The following RAP1GAP2 variants were observed in gnomAD, a reference collection of about 807,000 sequenced individuals.
RAP1GAP2 encodes RAP1 GTPase activating protein 2.
Under a neutral mutation model 95.0 loss-of-function variants are expected in RAP1GAP2, and 27 were observed. The observed-to-expected ratio is 0.28, with a 90% CI of 0.21 to 0.39. The LOEUF is 0.39. RAP1GAP2 is among the 10% of genes least tolerant of loss of function. RAP1GAP2 has a pLI of 1.00. For missense variants in RAP1GAP2, 771 were observed against 970.0 expected (o/e 0.79, Z 2.72); for synonymous variants, 373 against 380.9 (o/e 0.98, Z 0.24).
chr17:2,981,130 G>A lies in RAP1GAP2; in HGVS notation c.676-65G>A, dbSNP rs375412311. On this transcript the variant is annotated intron_variant, in intron 9 of 24. Coordinates refer to ENST00000254695, the MANE Select transcript of RAP1GAP2 (RefSeq NM_015085.5). Reference sequence around the variant, plus strand: ...CTCCCATGCCGCATTGTCCAGGTGGGCAGAGGAGCCCAGATGTCCTCTACA... The same window carrying A: ...CTCCCATGCCGCATTGTCCAGGTGGACAGAGGAGCCCAGATGTCCTCTACA... 13 of 1,491,610 alleles carry A rather than the reference G, an allele frequency of 8.7e-6. No homozygotes were observed. In the African/African-American group the frequency reaches 1.2e-4, roughly 14 times the overall value. The allele number at this position is 1,491,610 out of a possible 1,614,324, so 92.4% of individuals were successfully genotyped here.
chr17:2,920,586 A>T (rs1054297604), intron 3 of RAP1GAP2, among the ~76,000 whole-genome samples: 13 of 152,078 alleles, frequency 8.5e-5, no homozygotes, highest in Admixed American at 3.3e-4. Flanking sequence ...TCTTCTGTGG[A>T]CCTCGGTTTC....
In RAP1GAP2 at chr17:2,968,050, A is replaced by G. The variant is rs980426108; in HGVS notation, c.596+2407A>G. On this transcript the variant is annotated intron_variant, in intron 8 of 24. Transcript: ENST00000254695. Reference sequence around the variant, plus strand: ...GAAGAGATTCTGCCTCTAAAAAAGCATAAACTAGTTAGAGAATAACAGAGT... The same window carrying G: ...GAAGAGATTCTGCCTCTAAAAAAGCGTAAACTAGTTAGAGAATAACAGAGT... Among the ~76,000 whole-genome samples the G allele has an allele frequency of 9.2e-5, 14 of 152,344 alleles. 2 individuals are homozygous for G. The highest frequency in any genetic ancestry group is 9.2e-4 in the Admixed American group (14 of 15,300).
rs570852549 is a variant in RAP1GAP2, at chr17:2,808,824, C to T, written c.80+8274C>T. Among the ~76,000 whole-genome samples the T allele has an allele frequency of 4.6e-4, 70 of 152,222 alleles. No individual in the cohort carries two copies. In the East Asian group the frequency reaches 8.3e-3, roughly 18 times the overall value. On this transcript the variant is annotated intron_variant, in intron 2 of 24. Coordinates refer to ENST00000254695, the MANE Select transcript of RAP1GAP2 (RefSeq NM_015085.5). ...GGGGGCATGTGGGTGTGTGCAGATA[C>T]GTGTAGGCGTGTGTGCACGCTCGCC... is the stretch of plus-strand genomic sequence containing the variant.
At chr17:2,944,810 A>G (rs1460500298) in intron 3 of RAP1GAP2, among the ~76,000 whole-genome samples, 2 of 152,114 alleles carry the variant, frequency 1.3e-5, no homozygotes, top group East Asian at 1.9e-4. Flanking sequence ...TCATTGGGCA[A>G]TGTTTTGTAG....
intron 3 of RAP1GAP2, among the ~76,000 whole-genome samples, chr17:2,905,779 G>A (rs2042177613): frequency 6.6e-6 from 1 of 152,176 alleles, no homozygotes; most frequent in South Asian, 2.1e-4. Context: ...TTCTGAGCTG[G>A]GCCTGTTCAC....
intron 8 of RAP1GAP2, among the ~76,000 whole-genome samples, chr17:2,967,835 T>G (rs2044684763): frequency 6.6e-6 from 1 of 152,192 alleles, no homozygotes; most frequent in African/African-American, 2.4e-5. Context: ...GCTTCTGGAT[T>G]TTTTAACGGA....
chr17:2,905,258 A>T, intron 2 of RAP1GAP2, 26 bp from the exon 3 acceptor site: 2 of 1,603,436 alleles, frequency 1.2e-6, no homozygotes, highest in Non-Finnish European at 1.7e-6. Flanking sequence ...GCAGGTCCTC[A>T]CTCACCTCTT....
chr17:2,881,439 C>A (rs1410285864), intron 2 of RAP1GAP2, among the ~76,000 whole-genome samples: 2 of 152,130 alleles, frequency 1.3e-5, no homozygotes, highest in Non-Finnish European at 2.9e-5. Flanking sequence ...TCCACTTAGC[C>A]AGCATTCATC....
chr17:2,935,951 C>G (rs2043295009), intron 3 of RAP1GAP2, among the ~76,000 whole-genome samples: 2 of 152,090 alleles, frequency 1.3e-5, no homozygotes, highest in South Asian at 2.1e-4. Context: ...ATGATCACTG[C>G]TGGGCATCCT....
At chr17:2,941,316 C>T (rs988661221) in intron 3 of RAP1GAP2, among the ~76,000 whole-genome samples, 8 of 152,046 alleles carry the variant, frequency 5.3e-5, no homozygotes, top group African/African-American at 9.7e-5. Flanking sequence ...GCAGGAGAAT[C>T]GCTTGAACCC....
At chr17:2,912,055 GGACCAGCA>G (rs2042402316) in intron 3 of RAP1GAP2, among the ~76,000 whole-genome samples, 1 of 152,188 alleles carries the variant, frequency 6.6e-6, no homozygotes, top group South Asian at 2.1e-4. Context: ...CCCACTGCAG[GGACCAGCA>G]GAACGTCTGG....
chr17:2,940,381 C>T (rs1422483351), intron 3 of RAP1GAP2, among the ~76,000 whole-genome samples: 5 of 152,216 alleles, frequency 3.3e-5, no homozygotes, highest in African/African-American at 1.2e-4. Flanking sequence ...CTGTGTTCCT[C>T]TGGGAAGGCT....
intron 2 of RAP1GAP2, among the ~76,000 whole-genome samples, chr17:2,801,507 T>C (rs1008187505): frequency 2.0e-4 from 30 of 152,076 alleles, no homozygotes; most frequent in Non-Finnish European, 1.2e-4. Context: ...TTACATTTTT[T>C]ATCACTTTAA....
intron 23 of RAP1GAP2, 52 bp downstream of exon 23, chr17:3,031,050 C>A: frequency 6.7e-7 from 1 of 1,503,034 alleles, no homozygotes; most frequent in East Asian, 2.4e-5. Flanking sequence ...GAGGCCCAGC[C>A]TTCCTTCCTG....
intron 2 of RAP1GAP2, among the ~76,000 whole-genome samples, chr17:2,901,467 G>A (rs1388052947): frequency 5.3e-5 from 8 of 152,064 alleles, no homozygotes; most frequent in Non-Finnish European, 8.8e-5. Context: ...GCCCCGCGTC[G>A]TTAGAGTTGC....
rs555180995 is a variant in RAP1GAP2 at position 2,902,115 on chromosome 17, C to G, written c.81-3169C>G. On this transcript the variant is annotated intron_variant, in intron 2 of 24. Transcript: ENST00000254695. This position sits in a 1 kb window ranked among gnomAD's most constrained non-coding sequence, Gnocchi z 4.1. ...CGCCTCTTCTAGCCTCTGGCGGGGTCGGCAAGCCTCAGCATGCGTTGGCTT... is the reference window on the plus strand; with the variant it reads ...CGCCTCTTCTAGCCTCTGGCGGGGTGGGCAAGCCTCAGCATGCGTTGGCTT... Among the ~76,000 whole-genome samples the G allele has an allele frequency of 1.9e-4, 29 of 152,342 alleles. No individual in the cohort carries two copies. Among genetic ancestry groups the G allele is most frequent in the Admixed American group, 3.3e-4 (5 of 15,308 alleles).
chr17:2,826,973 T>C (rs982065669), intron 2 of RAP1GAP2, among the ~76,000 whole-genome samples: 12 of 151,944 alleles, frequency 7.9e-5, no homozygotes, highest in African/African-American at 2.7e-4. Context: ...ACCACTGCAC[T>C]TCAGCCTGGT....
Position 2,800,547 on chromosome 17 carries a change from T to G in RAP1GAP2, c.77T>G (p.Val26Gly), listed in dbSNP as rs771203376. 1.9e-6 allele frequency: 3 copies of G among 1,612,738 alleles called. No homozygotes were observed. Among genetic ancestry groups the G allele is most frequent in the Non-Finnish European group, 2.5e-6 (3 of 1,179,408 alleles). The change falls in exon 2 of 25, where the codon GTC becomes GGC. Residue 26 changes from valine (V) to glycine (G), a missense_variant. Physicochemically the swap from Val to Gly is moderately radical, Grantham distance 109 (BLOSUM62 -3). Coordinates refer to ENST00000254695, the MANE Select transcript of RAP1GAP2 (RefSeq NM_015085.5). The stretch of plus-strand genomic sequence containing the variant: ...AAGACCATGCTGGCAAGTCTGAAGG[T>G]CAAGTAAGTAGCAATTTCCTGTTCT... ...IDKTMLASLK[V>G]KKQELANSSD...
At chr17:2,939,385 C>T (rs116056824) in intron 3 of RAP1GAP2, among the ~76,000 whole-genome samples, 404 of 152,380 alleles carry the variant, frequency 2.7e-3, no homozygotes, top group African/African-American at 8.8e-3. Context: ...CCGCCTTGCC[C>T]GGCGCACTTA....
Sources: allele counts gnomAD v4.1 joint callset (sites outside exome capture counted in the v4.1 genomes callset), GRCh38; gene constraint gnomAD v4.1.1; non-coding constraint Gnocchi (gnomAD v3.1); transcripts MANE v1.5; gene names NCBI Gene and HGNC (gene_info 2026-07-23, HGNC 2026-07-21).